The following TRIO variants were observed in gnomAD, a reference collection of about 807,000 sequenced individuals.
TRIO encodes the protein trio Rho guanine nucleotide exchange factor, also known as triple functional domain protein.
In TRIO, 58 loss-of-function variants were observed where a neutral mutation model predicts 351.9. The ratio of observed to expected loss-of-function variants is 0.16; its 90% confidence interval spans 0.13 to 0.21. The LOEUF (loss-of-function observed/expected upper bound fraction) is 0.21, where lower values mean the gene tolerates loss of function less well. Ranked by LOEUF, TRIO falls within the 10% of genes least tolerant of loss-of-function variation. TRIO has a pLI of 1.00. For missense variants in TRIO, 3,201 were observed against 4,027.8 expected, an observed-to-expected ratio of 0.79 and a Z score of 5.56; for synonymous variants, 1,758 against 1,595.7, an observed-to-expected ratio of 1.10 and a Z score of -2.42.
At chr5:14,202,945 T>A (rs1791226787) in intron 1 of TRIO, among the ~76,000 whole-genome samples, 1 of 152,086 alleles carries the variant, frequency 6.6e-6, no homozygotes, top group Non-Finnish European at 1.5e-5. Flanking sequence ...ATAATTTTTA[T>A]TTATGCTTTT....
intron 8 of TRIO, among the ~76,000 whole-genome samples, chr5:14,310,348 C>T (rs1049005697): frequency 6.6e-6 from 1 of 152,250 alleles, no homozygotes; most frequent in African/African-American, 2.4e-5. Flanking sequence ...GCCACTGCTG[C>T]AGCCACGGAG....
At chr5:14,270,514 T>C (rs1795919039) in intron 1 of TRIO, among the ~76,000 whole-genome samples, 1 of 152,186 alleles carries the variant, frequency 6.6e-6, no homozygotes, top group Non-Finnish European at 1.5e-5. Context: ...AAATTAAGAT[T>C]TGGTAAATAA....
intron 11 of TRIO, 79 bp downstream of exon 11, chr5:14,336,806 A>G: frequency 2.7e-6 from 4 of 1,491,112 alleles, no homozygotes; most frequent in Non-Finnish European, 3.7e-6. Flanking sequence ...AAATTTAGTC[A>G]TAATGTGAGA....
intron 1 of TRIO, among the ~76,000 whole-genome samples, chr5:14,165,614 C>G (rs1581258181): frequency 1.3e-5 from 2 of 152,282 alleles, no homozygotes; most frequent in East Asian, 3.9e-4. Context: ...TTCTGAGGCT[C>G]TGTGTCTCTG....
At chr5:14,441,664 T>C (rs1752059560) in intron 34 of TRIO, among the ~76,000 whole-genome samples, 1 of 152,218 alleles carries the variant, frequency 6.6e-6, no homozygotes, top group South Asian at 2.1e-4. Context: ...AAATGGCATG[T>C]AAAGAGTGTA....
In TRIO at chr5:14,497,144, C is replaced by T; in HGVS notation, c.8019+127C>T. 1 of 1,359,128 alleles carries T rather than the reference C, an allele frequency of 7.4e-7. No individual in the cohort carries two copies. Among genetic ancestry groups the T allele is most frequent in the Non-Finnish European group, 9.9e-7 (1 of 1,011,358 alleles). 84.2% of individuals were successfully genotyped at this position (1,359,128 alleles called of 1,614,324 possible). A position where few individuals can be genotyped will look rare whatever the true frequency, so the allele number is the denominator to read the frequency against. On this transcript the variant is annotated intron_variant, in intron 50 of 56. Transcript: ENST00000344204. The surrounding 1 kb of genome is among the most constrained non-coding windows in gnomAD (Gnocchi z 4.4). Reference sequence around the variant, plus strand: ...CTCCCTCCCACCCACCAGCCCCGTGCCCTGCGTGTCCTGTAGGGTCTTGTT... The same window carrying T: ...CTCCCTCCCACCCACCAGCCCCGTGTCCTGCGTGTCCTGTAGGGTCTTGTT...
chr5:14,361,229 A>G (rs1165253741), intron 13 of TRIO, among the ~76,000 whole-genome samples: 3 of 152,344 alleles, frequency 2.0e-5, no homozygotes, highest in South Asian at 4.1e-4. Context: ...AAAAATTTTT[A>G]ATATTTAAAA....
intron 31 of TRIO, among the ~76,000 whole-genome samples, chr5:14,403,888 G>C (rs1395716641): frequency 6.9e-6 from 1 of 143,934 alleles, no homozygotes; most frequent in Non-Finnish European, 1.5e-5. Context: ...TGCAGGTGGT[G>C]GTGAGGGTGC....
intron 13 of TRIO, among the ~76,000 whole-genome samples, chr5:14,360,633 G>A (rs935451051): frequency 4.6e-5 from 7 of 152,348 alleles, no homozygotes; most frequent in South Asian, 2.1e-4. Context: ...CAGTCACCTC[G>A]GTACAGGAGG....
At chr5:14,211,863 C>T (rs1227730335) in intron 1 of TRIO, among the ~76,000 whole-genome samples, 1 of 151,232 alleles carries the variant, frequency 6.6e-6, no homozygotes, top group Non-Finnish European at 1.5e-5. Flanking sequence ...GTAATCCCAT[C>T]AACTTTGAGA....
At chr5:14,199,777 C>A (rs1386203145) in intron 1 of TRIO, among the ~76,000 whole-genome samples, 4 of 152,198 alleles carry the variant, frequency 2.6e-5, no homozygotes, top group Non-Finnish European at 5.9e-5. Flanking sequence ...TTCCAGGTGG[C>A]ATCTTGAGAT....
intron 34 of TRIO, among the ~76,000 whole-genome samples, chr5:14,453,709 A>C (rs538638075): frequency 1.4e-4 from 21 of 152,244 alleles, no homozygotes; most frequent in African/African-American, 5.1e-4. Flanking sequence ...GACATCCCTT[A>C]TGGATCATCC....
In TRIO at chr5:14,393,056, G is replaced by GAA. The variant is rs550792228; in HGVS notation, c.4219-968_4219-967dup. 5.9e-3 allele frequency among the ~76,000 whole-genome samples: 577 copies of GAA among 97,032 alleles called. 6 individuals are homozygous for GAA. The highest frequency in any genetic ancestry group is 0.016 in the African/African-American group (542 of 34,252). The allele number at this position is 97,032 out of a possible 152,430, so 63.7% of individuals were successfully genotyped here. A position where few individuals can be genotyped will look rare whatever the true frequency, so the allele number is the denominator to read the frequency against. On this transcript the variant is annotated intron_variant, in intron 27 of 56. Coordinates refer to ENST00000344204, the MANE Select transcript of TRIO (RefSeq NM_007118.4). ...AGCGAGACTCCATCTCAAAAAGAAA[G>GAA]AAAAAAAAAAAAAAAGGATGGGTTC...
At chr5:14,329,621 G>A (rs1740723776) in intron 9 of TRIO, among the ~76,000 whole-genome samples, 1 of 152,206 alleles carries the variant, frequency 6.6e-6, no homozygotes, top group African/African-American at 2.4e-5. Flanking sequence ...GACAAAGAGA[G>A]CACCAGAGTT....
intron 1 of TRIO, among the ~76,000 whole-genome samples, chr5:14,223,735 C>T (rs1431310092): frequency 2.6e-5 from 4 of 152,150 alleles, no homozygotes; most frequent in Admixed American, 6.5e-5. Flanking sequence ...CTTTGTTTTT[C>T]ATTTGAAGGT....
intron 30 of TRIO, chr5:14,399,430 A>C: frequency 3.2e-6 from 1 of 315,764 alleles, no homozygotes; most frequent in Non-Finnish European, 5.7e-6. Context: ...TAATTTTTCA[A>C]CCATAAACAT....
At chr5:14,289,811 T>A (rs2152284021) in intron 4 of TRIO, among the ~76,000 whole-genome samples, 1 of 151,998 alleles carries the variant, frequency 6.6e-6, no homozygotes. Context: ...ACTGCGCCAC[T>A]GCACTCCAGC....
At chr5:14,289,044 C>G (rs1270555543) in intron 4 of TRIO, among the ~76,000 whole-genome samples, 2 of 151,634 alleles carry the variant, frequency 1.3e-5, no homozygotes, top group East Asian at 3.9e-4. Flanking sequence ...GAGTTCGAGC[C>G]CAGCCTGAGA....
chr5:14,209,953 C>G (rs1272105191), intron 1 of TRIO, among the ~76,000 whole-genome samples: 1 of 152,184 alleles, frequency 6.6e-6, no homozygotes, highest in Non-Finnish European at 1.5e-5. Flanking sequence ...TGCTCCCCCT[C>G]TCCCTGTGTG....
Sources: gnomAD v4.1 joint callset for allele counts (sites outside exome capture counted in the v4.1 genomes callset) on GRCh38, gnomAD v4.1.1 for gene constraint, Gnocchi (gnomAD v3.1) non-coding constraint, MANE v1.5 for transcripts, NCBI Gene and HGNC (gene_info 2026-07-23, HGNC 2026-07-21) for gene names.